IPMK: variants seen among roughly 807,000 people sequenced by gnomAD.
IPMK encodes inositol polyphosphate multikinase, also known as inositol 1,3,4,6-tetrakisphosphate 5-kinase.
In IPMK, 17 loss-of-function variants were observed where a neutral mutation model predicts 45.8. That is an observed-to-expected ratio of 0.37 (90% confidence interval 0.25 to 0.56). IPMK has a LOEUF of 0.56. Among genes scored for constraint, IPMK ranks in the 20% least tolerant of loss-of-function variants. IPMK has a pLI of 0.79. For missense variants in IPMK, 399 were observed against 498.0 expected, an observed-to-expected ratio of 0.80 and a Z score of 1.89; for synonymous variants, 180 against 184.3, an observed-to-expected ratio of 0.98 and a Z score of 0.19.
chr10:58,242,735 TCAAA>T (rs1011659949), intron 1 of IPMK, among the ~76,000 whole-genome samples: 2 of 152,172 alleles, frequency 1.3e-5, no homozygotes, highest in African/African-American at 4.8e-5. Context: ...TAGAATAATA[TCAAA>T]CAGTCTATGA....
At chr10:58,260,667 A>C (rs1839050749) in intron 1 of IPMK, among the ~76,000 whole-genome samples, 2 of 152,310 alleles carry the variant, frequency 1.3e-5, no homozygotes, top group African/African-American at 2.4e-5. Context: ...TCAAAAAAAA[A>C]CTTAAGGCAG....
intron 1 of IPMK, among the ~76,000 whole-genome samples, chr10:58,240,820 T>C (rs1838686094): frequency 6.6e-6 from 1 of 152,128 alleles, no homozygotes; most frequent in East Asian, 1.9e-4. Flanking sequence ...CTCCCAGAAG[T>C]TGCAAACACT....
chr10:58,236,932 G>T (rs2590321), intron 2 of IPMK, among the ~76,000 whole-genome samples: 51,394 of 151,882 alleles, frequency 0.34, 10,943 homozygotes, highest in African/African-American at 0.61. Flanking sequence ...TAGCCGGGCT[G>T]CGTGGCACAC....
intron 1 of IPMK, 55 bp downstream of exon 1, chr10:58,267,366 CA>C (rs1839164214): frequency 1.9e-6 from 3 of 1,578,346 alleles, no homozygotes; most frequent in East Asian, 2.2e-5. Flanking sequence ...CCTCCGCTGA[CA>C]GGGGGCTCGC....
Position 58,191,800 on chromosome 10 carries a change from G to GA in IPMK, c.*4275_*4276insT. On this transcript the variant is annotated 3_prime_UTR_variant, in exon 6 of 6. Coordinates refer to ENST00000373935, the MANE Select transcript of IPMK (RefSeq NM_152230.5). ...AATAAATTTAGCATTGCTGCTTATA[G>GA]TCACTAATAACACAATTTTAGGTGC... 4 of 152,138 alleles carry GA rather than the reference G, an allele frequency of 2.6e-5. No homozygotes were observed. Among genetic ancestry groups the GA allele is most frequent in the Admixed American group, 2.6e-4 (4 of 15,274 alleles). 9.4% of individuals were successfully genotyped at this position (152,138 alleles called of 1,614,324 possible). A position where few individuals can be genotyped will look rare whatever the true frequency, so the allele number is the denominator to read the frequency against.
intron 1 of IPMK, among the ~76,000 whole-genome samples, chr10:58,262,926 T>G (rs1839096478): frequency 7.8e-6 from 1 of 128,726 alleles, no homozygotes; most frequent in Admixed American, 7.0e-5. Flanking sequence ...AGTGAAAGAA[T>G]GGGGGGAAAA....
chr10:58,245,390 G>T (rs539021297), intron 1 of IPMK, among the ~76,000 whole-genome samples: 5 of 152,096 alleles, frequency 3.3e-5, no homozygotes, highest in Admixed American at 3.3e-4. Flanking sequence ...AAGACAGCCG[G>T]ATCACGAGGT....
intron 4 of IPMK, among the ~76,000 whole-genome samples, chr10:58,206,767 T>C (rs1447251769): frequency 1.3e-5 from 2 of 152,150 alleles, no homozygotes; most frequent in African/African-American, 4.8e-5. Flanking sequence ...TGTAGTCTTA[T>C]CCCTCACCTG....
In IPMK at chr10:58,267,849, C is replaced by G; in HGVS notation, c.-238G>C. 1 of 470,304 alleles carries G rather than the reference C, an allele frequency of 2.1e-6. No individual in the cohort carries two copies. The highest frequency in any genetic ancestry group is 3.7e-6 in the Non-Finnish European group (1 of 267,826). 29.1% of individuals were successfully genotyped at this position (470,304 alleles called of 1,614,324 possible). ...GGCTCCTGTTCCTCTGCCGCCGCAG[C>G]CGCCGGCCCCGGCGCTGCCCGGTAG... On this transcript the variant is annotated 5_prime_UTR_variant, in exon 1 of 6. Transcript: ENST00000373935.
chr10:58,211,830 C>CCGT (rs375985583), intron 4 of IPMK, among the ~76,000 whole-genome samples: 6 of 152 alleles, frequency 0.039, no homozygotes, highest in African/African-American at 0.11. Flanking sequence ...CAGGAGGATC[C>CCGT]GGAACCCAGG....
At chr10:58,260,926 T>A (rs1418109827) in intron 1 of IPMK, among the ~76,000 whole-genome samples, 1 of 152,100 alleles carries the variant, frequency 6.6e-6, no homozygotes, top group Non-Finnish European at 1.5e-5. Flanking sequence ...TGATTTAAAA[T>A]CTGTATGTAA....
intron 1 of IPMK, among the ~76,000 whole-genome samples, chr10:58,258,300 T>G (rs1312009136): frequency 7.0e-6 from 1 of 143,448 alleles, no homozygotes; most frequent in African/African-American, 2.9e-5. Flanking sequence ...CGGAGCGAGA[T>G]TCCATCTCAA....
chr10:58,223,154 A>T (rs1465720089), intron 3 of IPMK, among the ~76,000 whole-genome samples: 2 of 152,234 alleles, frequency 1.3e-5, no homozygotes, highest in Non-Finnish European at 2.9e-5. Flanking sequence ...TTGAAATTTT[A>T]AAAAATTTAA....
Position 58,267,886 on chromosome 10 carries a change from C to G in IPMK, c.-275G>C. 2.8e-6 allele frequency: 1 copy of G among 360,892 alleles called. No individual in the cohort carries two copies. The highest frequency in any genetic ancestry group is 5.5e-5 in the South Asian group (1 of 18,026). 22.4% of individuals were successfully genotyped at this position (360,892 alleles called of 1,614,324 possible). ...GCGCTGCCCGGTAGACAGAACCGAG[C>G]CGAAGAACAGCAGCAGCGGCGCCCC... On this transcript the variant is annotated 5_prime_UTR_variant, in exon 1 of 6. Transcript: ENST00000373935.
At chr10:58,249,903 T>A (rs1468404341) in intron 1 of IPMK, among the ~76,000 whole-genome samples, 2 of 152,342 alleles carry the variant, frequency 1.3e-5, no homozygotes, top group East Asian at 3.9e-4. Flanking sequence ...TTTCTGCTTA[T>A]GGATATCCAG....
intron 1 of IPMK, among the ~76,000 whole-genome samples, chr10:58,263,494 A>T (rs904002246): frequency 6.6e-6 from 1 of 151,160 alleles, no homozygotes; most frequent in Non-Finnish European, 1.5e-5. Flanking sequence ...ACTGTTCTCC[A>T]GCCTGGGCAA....
At chr10:58,233,093 C>T (rs1838550629) in intron 2 of IPMK, among the ~76,000 whole-genome samples, 2 of 152,172 alleles carry the variant, frequency 1.3e-5, no homozygotes, top group Non-Finnish European at 2.9e-5. Context: ...AATTCATGGA[C>T]ATATACACCC....
chr10:58,226,326 A>G (rs1838414996), intron 3 of IPMK, among the ~76,000 whole-genome samples: 1 of 152,200 alleles, frequency 6.6e-6, no homozygotes, highest in Admixed American at 6.5e-5. Context: ...TTTAACAGGC[A>G]TATCACTACA....
chr10:58,254,495 C>CAA (rs34810643), intron 1 of IPMK, among the ~76,000 whole-genome samples: 10,076 of 151,426 alleles, frequency 0.067, 407 homozygotes, highest in Non-Finnish European at 0.089. Context: ...TGAACTTCTT[C>CAA]AAAAAAAAAT....
Sources: allele counts gnomAD v4.1 joint callset (sites outside exome capture counted in the v4.1 genomes callset), GRCh38; gene constraint gnomAD v4.1.1; transcripts MANE v1.5; gene names NCBI Gene and HGNC (gene_info 2026-07-23, HGNC 2026-07-21).